GRB2: variants seen among roughly 807,000 people sequenced by gnomAD.
GRB2 encodes the protein growth factor receptor bound protein 2, also known as growth factor receptor-bound protein 2.
GRB2 carries 2 observed loss-of-function variants against 27.4 expected under a neutral mutation model. That is an observed-to-expected ratio of 0.07 (90% confidence interval 0.03 to 0.23). The LOEUF (loss-of-function observed/expected upper bound fraction) is 0.23. Ranked by LOEUF, GRB2 falls within the 10% of genes least tolerant of loss-of-function variation. The probability of loss-of-function intolerance (pLI) is 1.00; values close to 1 mark genes in which losing one functional copy is unlikely to be tolerated. For missense variants in GRB2, 102 were observed against 282.4 expected, an observed-to-expected ratio of 0.36 and a Z score of 4.58; for synonymous variants, 94 against 99.6, an observed-to-expected ratio of 0.94 and a Z score of 0.33.
chr17:75,388,701 G>A (rs142124973), intron 2 of GRB2, among the ~76,000 whole-genome samples: 682 of 151,572 alleles, frequency 4.5e-3, no homozygotes, highest in African/African-American at 0.016. Flanking sequence ...TCAGCTTCAT[G>A]AGCAGGTGGG....
intron 2 of GRB2, among the ~76,000 whole-genome samples, chr17:75,369,061 C>T (rs978439941): frequency 6.6e-6 from 1 of 152,166 alleles, no homozygotes; most frequent in Admixed American, 6.5e-5. Context: ...TGCCCAACAT[C>T]ATGATCATGG....
chr17:75,397,086 T>C lies in GRB2; in HGVS notation c.-137-3321A>G, dbSNP rs536314911. On this transcript the variant is annotated intron_variant, in intron 1 of 5. Transcript: ENST00000316804. ...TTGAAAGTCGTGTTTTGAGTAACTATTGCTTTGTGAGATGCAGAGTTTGAC... is the reference window on the plus strand; with the variant it reads ...TTGAAAGTCGTGTTTTGAGTAACTACTGCTTTGTGAGATGCAGAGTTTGAC... Among the ~76,000 whole-genome samples, 5 of 152,354 alleles carry C rather than the reference T, an allele frequency of 3.3e-5. No homozygotes were observed. The East Asian group carries it at 9.6e-4, about 29-fold the overall frequency.
At chr17:75,376,719 G>A (rs910451857) in intron 2 of GRB2, among the ~76,000 whole-genome samples, 1 of 151,784 alleles carries the variant, frequency 6.6e-6, no homozygotes, top group Non-Finnish European at 1.5e-5. Flanking sequence ...CACAGGCCAG[G>A]CAAGGTGGCT....
intron 2 of GRB2, among the ~76,000 whole-genome samples, chr17:75,368,408 CAG>C (rs934944254): frequency 1.6e-4 from 24 of 151,308 alleles, no homozygotes; most frequent in African/African-American, 5.8e-4. Context: ...GTGTTCTAAG[CAG>C]AGATGGGGTT....
At chr17:75,399,679 TTTA>T (rs1341957463) in intron 1 of GRB2, among the ~76,000 whole-genome samples, 2 of 120,820 alleles carry the variant, frequency 1.7e-5, no homozygotes, top group Non-Finnish European at 4.2e-5. Flanking sequence ...CAATTATTTA[TTTA>T]TTTTTTTGAG....
chr17:75,358,910 T>TATAA (rs2078756480), intron 2 of GRB2, among the ~76,000 whole-genome samples: 2 of 67,796 alleles, frequency 3.0e-5, no homozygotes, highest in East Asian at 1.8e-3. Context: ...TATATATATA[T>TATAA]ATATAAATAT....
At chr17:75,387,030 G>A (rs937018538) in intron 2 of GRB2, among the ~76,000 whole-genome samples, 3 of 143,204 alleles carry the variant, frequency 2.1e-5, no homozygotes, top group African/African-American at 5.0e-5. Flanking sequence ...GTGTGGTGGC[G>A]GGTGCCTGTA....
intron 2 of GRB2, among the ~76,000 whole-genome samples, chr17:75,334,757 T>C (rs1470835902): frequency 6.6e-6 from 1 of 152,120 alleles, no homozygotes; most frequent in Non-Finnish European, 1.5e-5. Context: ...CTGGGCAACA[T>C]AGTGAGACCC....
rs763353820 is a variant in GRB2, at chr17:75,393,530, G to A, written c.78+21C>T. 3.1e-6 allele frequency: 5 copies of A among 1,598,420 alleles called. No homozygotes were observed. In the Admixed American group the frequency reaches 8.3e-5, roughly 27 times the overall value. ...GCACAGGGAGAGCGATCTCAGCATT[G>A]TGCTCGGCATCAGCACTTACCTTGA... On this transcript the variant is annotated intron_variant, in intron 2 of 5. Coordinates refer to ENST00000316804, the MANE Select transcript of GRB2 (RefSeq NM_002086.5).
intron 2 of GRB2, among the ~76,000 whole-genome samples, chr17:75,375,902 G>A (rs2145858767): frequency 6.6e-6 from 1 of 151,924 alleles, no homozygotes; most frequent in Admixed American, 6.6e-5. Context: ...GTGGGCGCCT[G>A]TAGTCCCAGC....
chr17:75,401,490 C>T (rs1257684789), intron 1 of GRB2, among the ~76,000 whole-genome samples: 1 of 148,716 alleles, frequency 6.7e-6, no homozygotes, highest in Non-Finnish European at 1.5e-5. Flanking sequence ...CAATGGTTAT[C>T]TCTGCTAGCG....
Position 75,395,594 on chromosome 17 carries a change from TTTAC to T in GRB2, c.-137-1833_-137-1830del, listed in dbSNP as rs1450992749. 2.6e-5 allele frequency among the ~76,000 whole-genome samples: 4 copies of T among 152,304 alleles called. No individual in the cohort carries two copies. In the East Asian group the frequency reaches 5.8e-4, roughly 22 times the overall value. ...TTTTGTTTTTTGCTTTCTCTTTGTA[TTTAC>T]TTATTTTTCTTTTTTTAAATCTTGT... On this transcript the variant is annotated intron_variant, in intron 1 of 5. Coordinates refer to ENST00000316804, the MANE Select transcript of GRB2 (RefSeq NM_002086.5).
chr17:75,345,166 C>T (rs530673854), intron 2 of GRB2, among the ~76,000 whole-genome samples: 5 of 152,118 alleles, frequency 3.3e-5, no homozygotes, highest in African/African-American at 4.8e-5. Context: ...CCTCAGCCTC[C>T]TGAGTAGCTG....
intron 1 of GRB2, 102 bp from the exon 2 acceptor site, chr17:75,393,867 C>G: frequency 1.8e-6 from 1 of 541,930 alleles, no homozygotes; most frequent in East Asian, 3.1e-5. Flanking sequence ...CCTGGCTCGG[C>G]CTGGCTCAGC....
At chr17:75,355,200 T>G (rs1279121123) in intron 2 of GRB2, among the ~76,000 whole-genome samples, 2 of 152,220 alleles carry the variant, frequency 1.3e-5, no homozygotes, top group Non-Finnish European at 2.9e-5. Flanking sequence ...CTCAAGGACA[T>G]TAACTCAGTT....
At chr17:75,334,155 AT>A (rs200148922) in intron 2 of GRB2, among the ~76,000 whole-genome samples, 2 of 150,826 alleles carry the variant, frequency 1.3e-5, no homozygotes, top group African/African-American at 2.4e-5. Flanking sequence ...TATACGTTTT[AT>A]TTTTTTTTAG....
intron 2 of GRB2, among the ~76,000 whole-genome samples, chr17:75,363,834 T>C (rs2078801682): frequency 1.8e-5 from 2 of 112,950 alleles, no homozygotes; most frequent in South Asian, 3.0e-4. Flanking sequence ...CACTCCAGCC[T>C]GGGCGACAGA....
chr17:75,387,249 G>GGAGT (rs2078970119), intron 2 of GRB2, among the ~76,000 whole-genome samples: 1 of 151,982 alleles, frequency 6.6e-6, no homozygotes, highest in Non-Finnish European at 1.5e-5. Context: ...TTTGAGGCCA[G>GGAGT]GAGTTCGAGA....
In GRB2 at chr17:75,349,508, CT is replaced by C. The variant is rs36010389; in HGVS notation, c.79-16712del. 8.9e-4 allele frequency among the ~76,000 whole-genome samples: 103 copies of C among 115,900 alleles called. No individual in the cohort carries two copies. The Middle Eastern group carries it at 0.014, about 16-fold the overall frequency. 76.0% of individuals were successfully genotyped at this position (115,900 alleles called of 152,430 possible). A position where few individuals can be genotyped will look rare whatever the true frequency, so the allele number is the denominator to read the frequency against. ...GAGCCTTCTGTTTTCATAACTCAGA[CT>C]TTTTTTTTTTTTTTTTTTTGAGACA... On this transcript the variant is annotated intron_variant, in intron 2 of 5. Coordinates refer to ENST00000316804, the MANE Select transcript of GRB2 (RefSeq NM_002086.5).
Sources: gnomAD v4.1 joint callset for allele counts (sites outside exome capture counted in the v4.1 genomes callset) on GRCh38, gnomAD v4.1.1 for gene constraint, MANE v1.5 for transcripts, NCBI Gene and HGNC (gene_info 2026-07-23, HGNC 2026-07-21) for gene names.